The following ABCA13 variants were observed in gnomAD, a reference collection of about 807,000 sequenced individuals.
The protein encoded by ABCA13 is ATP-binding cassette sub-family A member 13.
In ABCA13, 476 loss-of-function variants were observed where a neutral mutation model predicts 478.7. The ratio of observed to expected loss-of-function variants is 0.99; its 90% CI spans 0.92 to 1.07. The LOEUF is 1.07. ABCA13 is among the 50% of genes least tolerant of loss of function. The probability of loss-of-function intolerance (pLI) is 0.00; values close to 1 mark genes in which losing one functional copy is unlikely to be tolerated. For synonymous variants in ABCA13, 2,252 were observed against 2,158.9 expected (o/e 1.04, Z -1.20); for missense variants, 6,060 against 5,910.6 (o/e 1.03, Z -0.83).
At chr7:48,295,293 C>G (rs966139719) in intron 20 of ABCA13, among the ~76,000 whole-genome samples, 1 of 152,162 alleles carries the variant, frequency 6.6e-6, no homozygotes, top group African/African-American at 2.4e-5. Context: ...AATTGAGCAC[C>G]TTTTCTTTTA....
intron 1 of ABCA13, among the ~76,000 whole-genome samples, chr7:48,175,744 T>C (rs1794768077): frequency 6.6e-6 from 1 of 152,206 alleles, no homozygotes; most frequent in Non-Finnish European, 1.5e-5. Context: ...ATTGTTATTA[T>C]ATAGTCATCC....
chr7:48,276,635 T>G (rs1015044828), intron 17 of ABCA13, 70 bp downstream of exon 17: 48 of 1,272,994 alleles, frequency 3.8e-5, no homozygotes, highest in Non-Finnish European at 5.0e-5. Flanking sequence ...TTTTCTGGAG[T>G]ATAGACATGT....
At chr7:48,624,059 AGTGTGTGTGTGTGTGTGT>A (rs3078326) in intron 59 of ABCA13, among the ~76,000 whole-genome samples, 3 of 142,442 alleles carry the variant, frequency 2.1e-5, no homozygotes, top group East Asian at 2.1e-4. Context: ...CACATGATAG[AGTGTGTGTGTGTGTGTGT>A]GTGTGTGTGT....
intron 3 of ABCA13, among the ~76,000 whole-genome samples, chr7:48,215,599 A>G (rs1786334799): frequency 6.6e-6 from 1 of 152,218 alleles, no homozygotes; most frequent in Admixed American, 6.5e-5. Context: ...GTGAAGCACA[A>G]TAAAGCGAAG....
chr7:48,386,416 C>A (rs887738978), intron 35 of ABCA13, among the ~76,000 whole-genome samples: 1 of 152,138 alleles, frequency 6.6e-6, no homozygotes, highest in African/African-American at 2.4e-5. Flanking sequence ...TAAAAAGGAG[C>A]CCGAATAGCC....
chr7:48,272,429 C>T lies in ABCA13; in HGVS notation c.2763C>T (p.Tyr921=), dbSNP rs775129256. 4.4e-5 allele frequency: 71 copies of T among 1,613,642 alleles called. No homozygotes were observed. Among genetic ancestry groups the T allele is most frequent in the Non-Finnish European group, 5.2e-5 (61 of 1,179,766 alleles). ...EQISEALNTV[Y]AIRNASDLFS... is the part of the protein sequence containing the mutation. ...TCTCAGAAGCTCTGAACACAGTCTA[C>T]GCTATCAGGAATGCATCTGATCTTT... Residue 921 remains tyrosine (Y), a synonymous_variant, in exon 17 of 62, where the codon TAC becomes TAT. Coordinates refer to ENST00000435803, the MANE Select transcript of ABCA13 (RefSeq NM_152701.5).
intron 15 of ABCA13, among the ~76,000 whole-genome samples, chr7:48,267,432 A>T (rs1439515015): frequency 6.6e-6 from 1 of 152,070 alleles, no homozygotes; most frequent in Non-Finnish European, 1.5e-5. Context: ...TCTGAAACCT[A>T]CTTTGTCTGA....
chr7:48,207,865 G>T (rs997218943), intron 3 of ABCA13, among the ~76,000 whole-genome samples: 4 of 152,086 alleles, frequency 2.6e-5, no homozygotes, highest in Non-Finnish European at 5.9e-5. Context: ...CCTTACTCAA[G>T]AAATCTTTGC....
chr7:48,385,750 A>C (rs1585104315), intron 35 of ABCA13, among the ~76,000 whole-genome samples: 1 of 152,144 alleles, frequency 6.6e-6, no homozygotes, highest in African/African-American at 2.4e-5. Context: ...CTTCCACAAT[A>C]GTTGAACTAA....
At chr7:48,483,228 ATAAT>A in intron 47 of ABCA13, 65 bp downstream of exon 47, 1 of 1,422,988 alleles carries the variant, frequency 7.0e-7, no homozygotes, top group Non-Finnish European at 9.7e-7. Flanking sequence ...ACATTCAAAT[ATAAT>A]TTTGAGCACA....
chr7:48,273,199 G>T lies in ABCA13; in HGVS notation c.3533G>T (p.Gly1178Val). 6.2e-7 allele frequency: 1 copy of T among 1,613,572 alleles called. No individual in the cohort carries two copies. The highest frequency in any genetic ancestry group is 8.5e-7 in the Non-Finnish European group (1 of 1,179,724). Residue 1178 changes from glycine to valine, a missense_variant, in exon 17 of 62, where the codon GGT (glycine) becomes GTT (valine). By Grantham distance (109) the Gly-to-Val change is moderately radical. Around this residue, in one of 3 missense-constraint regions of ABCA13, gnomAD observed 4,423 missense variants for 4,309.1 expected, o/e 1.03. Coordinates refer to ENST00000435803, the MANE Select transcript of ABCA13 (RefSeq NM_152701.5). The part of the protein sequence containing the change: ...DMNVFTSLHH[G>V]FTQLLDELED... ...AATGTTTTCACATCTCTTCATCATG[G>T]TTTCACTCAGCTTTTGGATGAATTG... is the stretch of plus-strand genomic sequence containing the variant.
chr7:48,494,032 G>C (rs936185163), intron 48 of ABCA13, among the ~76,000 whole-genome samples: 1 of 152,122 alleles, frequency 6.6e-6, no homozygotes, highest in Non-Finnish European at 1.5e-5. Flanking sequence ...TGGGTGTCAG[G>C]GGAGGACTGT....
chr7:48,513,485 A>G (rs1831868856), intron 51 of ABCA13, among the ~76,000 whole-genome samples: 1 of 152,204 alleles, frequency 6.6e-6, no homozygotes, highest in Middle Eastern at 3.2e-3. Context: ...TAACTTACAT[A>G]AAGATGGAAA....
In ABCA13 at chr7:48,274,367, A is replaced by G; in HGVS notation, c.4701A>G (p.Glu1567=). The change falls in exon 17 of 62, where the codon GAA becomes GAG. Residue 1567 remains glutamate, a synonymous_variant. Coordinates refer to ENST00000435803, the MANE Select transcript of ABCA13 (RefSeq NM_152701.5). ...AAGGTATTTACTTTAACATCCTGGA[A>G]AATAATTCCTCTTCTAAAACTGAAA... ...LVKGIYFNIL[E]NNSSSKTENL... 6.2e-7 allele frequency: 1 copy of G among 1,613,204 alleles called. No individual in the cohort carries two copies.
intron 35 of ABCA13, among the ~76,000 whole-genome samples, chr7:48,385,995 C>A (rs1020670057): frequency 7.2e-5 from 11 of 152,132 alleles, no homozygotes; most frequent in African/African-American, 1.9e-4. Context: ...TGCCCACTTT[C>A]TAATGGAGTG....
intron 41 of ABCA13, among the ~76,000 whole-genome samples, chr7:48,419,954 G>A (rs1433514): frequency 0.38 from 57,974 of 152,048 alleles, 11,702 homozygotes; most frequent in African/African-American, 0.51. Context: ...GAAAAAGATT[G>A]GGGCTTTTGG....
intron 42 of ABCA13, among the ~76,000 whole-genome samples, chr7:48,440,824 A>T (rs577275200): frequency 6.6e-6 from 1 of 152,224 alleles, no homozygotes; most frequent in Admixed American, 6.5e-5. Context: ...CATGTAAATA[A>T]TTTGGAAATA....
At chr7:48,626,882 T>A (rs759530620) in intron 59 of ABCA13, 1 of 985,426 alleles carries the variant, frequency 1.0e-6, no homozygotes, top group Non-Finnish European at 1.2e-6. Context: ...GGAAGGGCTG[T>A]TGATATTCAT....
chr7:48,286,868 AT>A (rs375594302), intron 19 of ABCA13, among the ~76,000 whole-genome samples: 5,642 of 151,516 alleles, frequency 0.037, 209 homozygotes, highest in Admixed American at 0.1. Context: ...TCAGGATAAC[AT>A]TTTTTTTTCT....
Sources: gnomAD v4.1 joint callset for allele counts (sites outside exome capture counted in the v4.1 genomes callset) on GRCh38, gnomAD v4.1.1 for gene constraint, gnomAD v4.1.1 regional missense constraint, MANE v1.5 for transcripts, NCBI Gene and HGNC (gene_info 2026-07-23, HGNC 2026-07-21) for gene names.